Variants in MGAT4C observed in about 807,000 individuals in gnomAD.
MGAT4C encodes the protein MGAT4 family member C, also known as alpha-1,3-mannosyl-glycoprotein 4-beta-N-acetylglucosaminyltransferase C.
Under a neutral mutation model 40.1 loss-of-function variants are expected in MGAT4C, and 19 were observed. That is an observed-to-expected ratio of 0.47 (90% CI 0.33 to 0.70). The LOEUF is 0.70. Ranked by LOEUF, MGAT4C falls within the 30% of genes least tolerant of loss-of-function variation. The pLI is 0.02. For synonymous variants in MGAT4C, 181 were observed against 187.1 expected (o/e 0.97, Z 0.27); for missense variants, 491 against 563.2 (o/e 0.87, Z 1.30).
At chr12:86,464,845 ACAAG>A (rs1377760012) in intron 2 of MGAT4C, among the ~76,000 whole-genome samples, 1 of 143,298 alleles carries the variant, frequency 7.0e-6, no homozygotes. Context: ...TTTTTGACAA[ACAAG>A]CGTATGACTT....
chr12:86,381,104 CA>C (rs1206265471), intron 3 of MGAT4C, among the ~76,000 whole-genome samples: 2 of 152,006 alleles, frequency 1.3e-5, no homozygotes, highest in African/African-American at 4.8e-5. Context: ...AGAGAAAGCT[CA>C]AAAAGTGAAA....
At chr12:86,598,519 T>C (rs1961629874) in intron 2 of MGAT4C, among the ~76,000 whole-genome samples, 1 of 152,090 alleles carries the variant, frequency 6.6e-6, no homozygotes, top group Non-Finnish European at 1.5e-5. Context: ...AAGCTAGTCT[T>C]TAAAACTTCA....
At chr12:86,374,200 GAATGAAC>G (rs1455019726) in intron 3 of MGAT4C, among the ~76,000 whole-genome samples, 12 of 152,062 alleles carry the variant, frequency 7.9e-5, no homozygotes, top group African/African-American at 2.9e-4. Flanking sequence ...TGTGAGCTGA[GAATGAAC>G]AATATATTGA....
At chr12:86,552,001 G>A (rs1371437994) in intron 2 of MGAT4C, among the ~76,000 whole-genome samples, 1 of 146,042 alleles carries the variant, frequency 6.8e-6, no homozygotes, top group African/African-American at 2.5e-5. Context: ...CAGATGTGTA[G>A]GCACACATTA....
At chr12:86,024,846 T>G (rs1417349979) in intron 2 of MGAT4C, among the ~76,000 whole-genome samples, 1 of 151,814 alleles carries the variant, frequency 6.6e-6, no homozygotes, top group Non-Finnish European at 1.5e-5. Context: ...AAAATGCATT[T>G]TAAAGTGTCA....
At chr12:86,691,606 A>G (rs950014057) in intron 2 of MGAT4C, among the ~76,000 whole-genome samples, 2 of 135,480 alleles carry the variant, frequency 1.5e-5, no homozygotes, top group African/African-American at 5.3e-5. Flanking sequence ...ATTAAGATAG[A>G]CATTCTATAT....
chr12:86,257,228 C>T (rs1952546103), upstream of MGAT4C, among the ~76,000 whole-genome samples: 1 of 152,120 alleles, frequency 6.6e-6, no homozygotes, highest in African/African-American at 2.4e-5. Flanking sequence ...CAGATTTCTC[C>T]CCAGGCTTAA....
chr12:86,470,160 C>T (rs1262129435), intron 2 of MGAT4C, among the ~76,000 whole-genome samples: 1 of 152,036 alleles, frequency 6.6e-6, no homozygotes, highest in East Asian at 1.9e-4. Flanking sequence ...TGCTTACAAG[C>T]AGAACTCTAA....
At chr12:86,341,251 T>C (rs1420907049) in intron 3 of MGAT4C, among the ~76,000 whole-genome samples, 5 of 152,122 alleles carry the variant, frequency 3.3e-5, no homozygotes, top group African/African-American at 9.7e-5. Context: ...CAGGAAACTA[T>C]GCTTCTCCCA....
chr12:86,118,192 GA>G (rs146813636), intron 1 of MGAT4C, among the ~76,000 whole-genome samples: 1 of 151,920 alleles, frequency 6.6e-6, no homozygotes, highest in Non-Finnish European at 1.5e-5. Flanking sequence ...CTGGGCAAAG[GA>G]AAAAAATGCA....
intron 2 of MGAT4C, among the ~76,000 whole-genome samples, chr12:86,481,264 A>C (rs1195487932): frequency 6.6e-6 from 1 of 152,080 alleles, no homozygotes; most frequent in Non-Finnish European, 1.5e-5. Context: ...GGTTATAAAG[A>C]AGCCTGAAAT....
At chr12:86,246,478 C>T (rs926643753) in intron 1 of MGAT4C, among the ~76,000 whole-genome samples, 2 of 152,084 alleles carry the variant, frequency 1.3e-5, no homozygotes, top group African/African-American at 4.8e-5. Flanking sequence ...CTGAAAGAGT[C>T]ATTTTAAAAG....
In MGAT4C at chr12:86,300,044, C is replaced by A. The variant is rs1213430398; in HGVS notation, c.-57+34021G>T. On this transcript the variant is annotated intron_variant, in intron 4 of 7. Coordinates refer to the MGAT4C transcript ENST00000548651. ...CAGACCTGAATTTCAATTTGCTGAG[C>A]AAACTTTCTCTATTTGGACATGTTT... Among the ~76,000 whole-genome samples, 4 of 152,178 alleles carry A rather than the reference C, an allele frequency of 2.6e-5. No homozygotes were observed. In the East Asian group the frequency reaches 5.8e-4, roughly 22 times the overall value.
chr12:86,210,021 G>T (rs1331825887), intron 1 of MGAT4C, among the ~76,000 whole-genome samples: 1 of 152,058 alleles, frequency 6.6e-6, no homozygotes. Flanking sequence ...AAAGATAAGG[G>T]CTGCAAATTT....
At chr12:86,671,264 A>G (rs1964249308) in intron 2 of MGAT4C, among the ~76,000 whole-genome samples, 1 of 152,188 alleles carries the variant, frequency 6.6e-6, no homozygotes, top group South Asian at 2.1e-4. Flanking sequence ...AAAATCAGTC[A>G]GATTTGCTTT....
intron 4 of MGAT4C, among the ~76,000 whole-genome samples, chr12:86,278,333 C>T (rs1363463869): frequency 6.6e-6 from 1 of 151,914 alleles, no homozygotes; most frequent in African/African-American, 2.4e-5. Flanking sequence ...TGTCTGCCAC[C>T]ACACCCAGCT....
At chr12:86,829,496 G>A (rs946165734) in intron 1 of MGAT4C, among the ~76,000 whole-genome samples, 5 of 151,102 alleles carry the variant, frequency 3.3e-5, no homozygotes, top group Non-Finnish European at 7.4e-5. Context: ...AAAATTTAAG[G>A]TCCAATATAT....
chr12:86,607,481 A>G (rs1193252853), intron 2 of MGAT4C, among the ~76,000 whole-genome samples: 1 of 152,062 alleles, frequency 6.6e-6, no homozygotes, highest in Non-Finnish European at 1.5e-5. Context: ...GTTTGTATCC[A>G]TTTTTGTTTT....
At chr12:86,538,877 G>C (rs980909994) in intron 2 of MGAT4C, among the ~76,000 whole-genome samples, 2 of 152,072 alleles carry the variant, frequency 1.3e-5, no homozygotes, top group Non-Finnish European at 2.9e-5. Flanking sequence ...AAAGTACTGG[G>C]ATTACAGGCA....
Sources: allele counts gnomAD v4.1 joint callset (sites outside exome capture counted in the v4.1 genomes callset), GRCh38; gene constraint gnomAD v4.1.1; transcripts MANE v1.5; gene names NCBI Gene and HGNC (gene_info 2026-07-23, HGNC 2026-07-21).